Variants in FMNL3 observed in about 807,000 individuals in gnomAD.
FMNL3 encodes formin like 3.
FMNL3 carries 57 observed loss-of-function variants against 119.6 expected under a neutral mutation model. That is an observed-to-expected ratio of 0.48 (90% confidence interval 0.39 to 0.59). The LOEUF is 0.59. Among genes scored for constraint, FMNL3 ranks in the 20% least tolerant of loss-of-function variants. The probability of loss-of-function intolerance (pLI) is 0.00; values close to 1 mark genes in which losing one functional copy is unlikely to be tolerated. For synonymous variants in FMNL3, 491 were observed against 507.3 expected (o/e 0.97, Z 0.43); for missense variants, 1,053 against 1,323.5 (o/e 0.80, Z 3.17).
chr12:49,643,960 G>A lies in FMNL3; in HGVS notation c.*1855C>T. On this transcript the variant is annotated 3_prime_UTR_variant, in exon 26 of 26. Transcript: ENST00000335154. ...CAAGGACAGGGAGCTCCAACAGGCA[G>A]AGCTCCCTAACCGTTCCCCAGGCTT... The A allele has an allele frequency of 6.2e-7, 1 of 1,614,194 alleles. No individual in the cohort carries two copies. Among genetic ancestry groups the A allele is most frequent in the Non-Finnish European group, 8.5e-7 (1 of 1,180,040 alleles).
rs1942055930 is a variant in FMNL3 at position 49,637,796 on chromosome 12, A to G, written c.*8019T>C. ...GAGTTGAAGGCACGATTCCATGATG[A>G]AAAGAAGATCATTAAGGACATCCTT... On this transcript the variant is annotated 3_prime_UTR_variant, in exon 26 of 26. Coordinates refer to ENST00000335154, the MANE Select transcript of FMNL3 (RefSeq NM_175736.5). The G allele has an allele frequency of 1.2e-6, 2 of 1,609,650 alleles. No individual in the cohort carries two copies. The highest frequency in any genetic ancestry group is 4.5e-5 in the East Asian group (2 of 44,736).
rs776987649 is a variant in FMNL3, at chr12:49,646,974, C to T, written c.2907G>A (p.Glu969=). 1.2e-6 allele frequency: 2 copies of T among 1,614,152 alleles called. No individual in the cohort carries two copies. Among genetic ancestry groups the T allele is most frequent in the Admixed American group, 3.3e-5 (2 of 60,016 alleles). Residue 969 remains glutamate (E), a synonymous_variant, in exon 25 of 26, where the codon GAG becomes GAA. Coordinates refer to ENST00000335154, the MANE Select transcript of FMNL3 (RefSeq NM_175736.5). ...GGCGCCGCCTCAACTCTGCTATTAA[C>T]TCCTGCTGTTGCCACTTGTTCCGCT... The part of the protein sequence containing the change: ...PSQRNKWQQQ[E]LIAELRRRQA...
At chr12:49,706,029 T>G (rs1945039412) in intron 1 of FMNL3, among the ~76,000 whole-genome samples, 1 of 152,110 alleles carries the variant, frequency 6.6e-6, no homozygotes, top group South Asian at 2.1e-4. Context: ...AACGCCAGAA[T>G]TATTACTGCT....
In FMNL3 at chr12:49,656,867, A is replaced by G. The variant is rs757802033; in HGVS notation, c.747T>C (p.His249=). 12 of 1,614,116 alleles carry G rather than the reference A, an allele frequency of 7.4e-6. No homozygotes were observed. The highest frequency in any genetic ancestry group is 1.0e-5 in the Non-Finnish European group (12 of 1,180,004). The change falls in exon 8 of 26, where the codon CAT becomes CAC. Residue 249 remains histidine (H), a synonymous_variant. Transcript: ENST00000335154. ...YGFNLVMSHP[H]AVNEIALSLN... is the part of the protein sequence containing the mutation. ...GGCTAAGTGCAATCTCATTGACAGCATGGGGGTGGGACATGACCAGGTTGA... is the reference window on the plus strand; with the variant it reads ...GGCTAAGTGCAATCTCATTGACAGCGTGGGGGTGGGACATGACCAGGTTGA...
intron 13 of FMNL3, among the ~76,000 whole-genome samples, 158 bp downstream of exon 13, chr12:49,653,068 T>G (rs1363670477): frequency 1.3e-5 from 2 of 151,978 alleles, no homozygotes; most frequent in East Asian, 3.9e-4. Flanking sequence ...ACTAAAAAAA[T>G]GGGGTGAAAT....
intron 1 of FMNL3, among the ~76,000 whole-genome samples, chr12:49,702,339 T>C (rs1169925994): frequency 2.6e-5 from 4 of 152,048 alleles, no homozygotes; most frequent in Admixed American, 1.3e-4. Context: ...TATCAAAACA[T>C]TGTATAAAAC....
At chr12:49,654,854 AG>A (rs1293194454) in intron 10 of FMNL3, 55 bp downstream of exon 10, 2 of 1,545,418 alleles carry the variant, frequency 1.3e-6, no homozygotes, top group African/African-American at 2.7e-5. Flanking sequence ...CCTGTTGTCA[AG>A]GAACACACAC....
At position 49,657,157 on chromosome 12, in the gene FMNL3, CT is replaced by C; in HGVS notation, c.638del (p.Lys213ArgfsTer5). Reference sequence around the variant, plus strand: ...CCTTCTGGCTCACTAGGCGGGAGTTCTTCAGGGCCCTGCGCCCAGGGAGAGT... The same window carrying C: ...CCTTCTGGCTCACTAGGCGGGAGTTCTCAGGGCCCTGCGCCCAGGGAGAGT... ...YSTLPGRRAL[K>X]NSRLVSQKDD... On this transcript the variant is annotated frameshift_variant, in exon 7 of 26. Transcript: ENST00000335154. LOFTEE classifies it high-confidence loss of function. 6.2e-7 allele frequency: 1 copy of C among 1,614,122 alleles called. No individual in the cohort carries two copies.
chr12:49,648,369 C>G lies in FMNL3; in HGVS notation c.2516-16G>C, dbSNP rs774902218. 1.9e-6 allele frequency: 3 copies of G among 1,605,072 alleles called. No homozygotes were observed. The South Asian group carries it at 3.3e-5, about 18-fold the overall frequency. ...TCCAGGGACACTGGTCACCAAAAGC[C>G]TGGCTGAGGAATGCCTAGGGCCTGG... On this transcript the variant is annotated splice_polypyrimidine_tract_variant and intron_variant, in intron 21 of 25. Coordinates refer to ENST00000335154, the MANE Select transcript of FMNL3 (RefSeq NM_175736.5).
rs1443509637 is a variant in FMNL3 at position 49,640,126 on chromosome 12, C to T, written c.*5689G>A. On this transcript the variant is annotated 3_prime_UTR_variant, in exon 26 of 26. Transcript: ENST00000335154. The stretch of plus-strand genomic sequence containing the variant: ...TGAGCCCAGGAGTCCCTCTTGCTTT[C>T]CACAGCCAGGCAGACCATGATGGTG... The T allele has an allele frequency of 6.6e-6, 1 of 152,214 alleles. No homozygotes were observed. The highest frequency in any genetic ancestry group is 1.5e-5 in the Non-Finnish European group (1 of 68,034). The allele number at this position is 152,214 out of a possible 1,614,324, so 9.4% of individuals were successfully genotyped here. A position where few individuals can be genotyped will look rare whatever the true frequency, so the allele number is the denominator to read the frequency against.
chr12:49,693,986 C>T (rs527467603), intron 1 of FMNL3, among the ~76,000 whole-genome samples: 48 of 151,222 alleles, frequency 3.2e-4, no homozygotes, highest in African/African-American at 1.1e-3. Flanking sequence ...AGGCCCGGAC[C>T]GGAGTGCAGT....
chr12:49,682,019 T>C (rs1479950614), intron 1 of FMNL3, among the ~76,000 whole-genome samples: 1 of 151,968 alleles, frequency 6.6e-6, no homozygotes, highest in African/African-American at 2.4e-5. Flanking sequence ...GGAGTCACAT[T>C]TGACTCAAGT....
Position 49,647,986 on chromosome 12 carries a change from A to T in FMNL3, c.2677-182T>A, listed in dbSNP as rs1429921023. 6.6e-6 allele frequency among the ~76,000 whole-genome samples: 1 copy of T among 151,924 alleles called. No homozygotes were observed. Among genetic ancestry groups the T allele is most frequent in the Non-Finnish European group, 1.5e-5 (1 of 67,984 alleles). ...AAAGCTCCTGAGTATGAGTCTCCAG[A>T]GGCAGCTGCCTGGCACTCCCAAAGC... is the stretch of plus-strand genomic sequence containing the variant. On this transcript the variant is annotated intron_variant, in intron 22 of 25. Transcript: ENST00000335154. This position sits in a 1 kb window ranked among gnomAD's most constrained non-coding sequence, Gnocchi z 4.9.
At chr12:49,654,834 T>G in intron 10 of FMNL3, 76 bp downstream of exon 10, 1 of 1,360,138 alleles carries the variant, frequency 7.4e-7, no homozygotes, top group Non-Finnish European at 1.0e-6. Flanking sequence ...GATACGCTGT[T>G]GGCCTCACCC....
chr12:49,648,524 A>G (rs1213918830), intron 21 of FMNL3, among the ~76,000 whole-genome samples, 171 bp from the exon 22 acceptor site: 2 of 152,062 alleles, frequency 1.3e-5, no homozygotes, highest in African/African-American at 2.4e-5. Flanking sequence ...TCACAGGGGG[A>G]GGGAATGGAA....
At chr12:49,686,149 C>T (rs1419943704) in intron 1 of FMNL3, among the ~76,000 whole-genome samples, 2 of 151,784 alleles carry the variant, frequency 1.3e-5, no homozygotes, top group African/African-American at 4.8e-5. Flanking sequence ...ACTTTGTCAC[C>T]CAGGCTGGAG....
intron 1 of FMNL3, among the ~76,000 whole-genome samples, chr12:49,697,295 T>C (rs1944777151): frequency 6.6e-6 from 1 of 152,202 alleles, no homozygotes; most frequent in South Asian, 2.1e-4. Context: ...GGTCCACCTC[T>C]TTCCTAAAGG....
At position 49,644,574 on chromosome 12, in the gene FMNL3, G is replaced by A; in HGVS notation, c.*1241C>T. 1 of 245,164 alleles carries A rather than the reference G, an allele frequency of 4.1e-6. No homozygotes were observed. The highest frequency in any genetic ancestry group is 8.2e-6 in the Non-Finnish European group (1 of 122,644). The allele number at this position is 245,164 out of a possible 1,614,324, so 15.2% of individuals were successfully genotyped here. The stretch of plus-strand genomic sequence containing the variant: ...ATCAGTGCCTGCTCCTGCCTGCCCT[G>A]GCCCTGAGGCTCCACCACTTCTTCC... On this transcript the variant is annotated 3_prime_UTR_variant, in exon 26 of 26. Transcript: ENST00000335154.
intron 1 of FMNL3, among the ~76,000 whole-genome samples, chr12:49,683,950 A>T (rs1592683050): frequency 1.3e-5 from 2 of 151,870 alleles, no homozygotes; most frequent in Admixed American, 1.3e-4. Flanking sequence ...ATTCCTAAAT[A>T]CCCTTTTAGC....
Sources: gnomAD v4.1 joint callset for allele counts (sites outside exome capture counted in the v4.1 genomes callset) on GRCh38, gnomAD v4.1.1 for gene constraint, Gnocchi (gnomAD v3.1) non-coding constraint, MANE v1.5 for transcripts, NCBI Gene and HGNC (gene_info 2026-07-23, HGNC 2026-07-21) for gene names.